SPECC1: variants seen among roughly 807,000 people sequenced by gnomAD.
SPECC1 encodes the protein sperm antigen with calponin homology and coiled-coil domains 1, also known as cytospin-B.
In SPECC1, 62 loss-of-function variants were observed where a neutral mutation model predicts 104.1. The ratio of observed to expected loss-of-function variants is 0.60; its 90% confidence interval spans 0.49 to 0.74. The LOEUF (loss-of-function observed/expected upper bound fraction) is 0.74. Ranked by LOEUF, SPECC1 falls within the 30% of genes least tolerant of loss-of-function variation. The pLI is 0.00. For synonymous variants in SPECC1, 513 were observed against 501.6 expected (o/e 1.02, Z -0.30); for missense variants, 1,306 against 1,310.5 (o/e 1.00, Z 0.05).
intron 3 of SPECC1, among the ~76,000 whole-genome samples, chr17:20,190,895 G>A (rs1204681307): frequency 6.6e-6 from 1 of 151,826 alleles, no homozygotes; most frequent in African/African-American, 2.4e-5. Context: ...CCAACCCCTG[G>A]CAACCATTGA....
At chr17:20,113,075 A>G in intron 3 of SPECC1, 1 of 718,000 alleles carries the variant, frequency 1.4e-6, no homozygotes, top group Non-Finnish European at 2.5e-6. Flanking sequence ...GTTGTCTAGA[A>G]GAAATAACAC....
rs942599559 is a variant in SPECC1, at chr17:20,208,309, G to A, written c.1863+2397G>A. ...TCTTGTATATCTATCAAGACCCTAG[G>A]TTTGTGATTTTGTGCTGTCTTATGT... On this transcript the variant is annotated intron_variant, in intron 4 of 14. Coordinates refer to ENST00000395527, the MANE Select transcript of SPECC1 (RefSeq NM_001243439.2). Among the ~76,000 whole-genome samples, 13 of 152,290 alleles carry A rather than the reference G, an allele frequency of 8.5e-5. No homozygotes were observed. The East Asian group carries it at 2.5e-3, about 29-fold the overall frequency.
intron 7 of SPECC1, chr17:20,238,740 T>C (rs1423080907): frequency 9.6e-7 from 1 of 1,042,830 alleles, no homozygotes; most frequent in Non-Finnish European, 1.2e-6. Flanking sequence ...TTGCTGGATG[T>C]TTTCAAGTAT....
rs202011399 is a variant in SPECC1 at position 20,182,107 on chromosome 17, TTC to T, written c.284-22224_284-22223del. ...TCAGACAAACCTCAATTTTTTCTTT[TTC>T]TTTCTTTTTCTTTTTTTTTTGGAGA... On this transcript the variant is annotated intron_variant, in intron 3 of 14. Coordinates refer to ENST00000395527, the MANE Select transcript of SPECC1 (RefSeq NM_001243439.2). Among the ~76,000 whole-genome samples the T allele has an allele frequency of 1.9e-3, 142 of 73,816 alleles. No homozygotes were observed. In the East Asian group the frequency reaches 0.11, roughly 58 times the overall value. The allele number at this position is 73,816 out of a possible 152,430, so 48.4% of individuals were successfully genotyped here.
chr17:20,058,835 C>CTTTTT (rs58811372), intron 1 of SPECC1, among the ~76,000 whole-genome samples: 7 of 103,570 alleles, frequency 6.8e-5, no homozygotes, highest in Non-Finnish European at 7.8e-5. Context: ...CACTTTATTT[C>CTTTTT]TTTTTTTTTT....
intron 11 of SPECC1, among the ~76,000 whole-genome samples, chr17:20,257,995 T>G (rs2039895037): frequency 6.6e-6 from 1 of 152,224 alleles, no homozygotes; most frequent in African/African-American, 2.4e-5. Flanking sequence ...GAGCCGGGAC[T>G]CTGCTGTACA....
intron 3 of SPECC1, among the ~76,000 whole-genome samples, chr17:20,116,206 G>A (rs1264626483): frequency 6.6e-6 from 1 of 152,056 alleles, no homozygotes; most frequent in African/African-American, 2.4e-5. Context: ...TCCTGCCTCA[G>A]CCTCCCGAGT....
At chr17:20,052,131 T>G (rs2045797021) in intron 1 of SPECC1, among the ~76,000 whole-genome samples, 1 of 152,194 alleles carries the variant, frequency 6.6e-6, no homozygotes, top group Non-Finnish European at 1.5e-5. Context: ...TCATTAAAAG[T>G]TTTTAAGAAG....
intron 5 of SPECC1, among the ~76,000 whole-genome samples, chr17:20,230,416 C>T (rs893461453): frequency 5.3e-5 from 8 of 152,176 alleles, no homozygotes; most frequent in African/African-American, 1.9e-4. Flanking sequence ...CCAGGCTGTT[C>T]TCAGGATACA....
chr17:20,306,179 G>C lies in SPECC1; in HGVS notation c.3117+97G>C. On this transcript the variant is annotated intron_variant, in intron 14 of 14. Transcript: ENST00000395527. Reference sequence around the variant, plus strand: ...AGTTTCTCGTAGAACATTGACATCTGTTTGCCGAAAGTCTGTTGCTCTCAA... The same window carrying C: ...AGTTTCTCGTAGAACATTGACATCTCTTTGCCGAAAGTCTGTTGCTCTCAA... The C allele has an allele frequency of 2.5e-6, 3 of 1,197,786 alleles. No homozygotes were observed. The South Asian group carries it at 4.0e-5, about 16-fold the overall frequency. The allele number at this position is 1,197,786 out of a possible 1,614,324, so 74.2% of individuals were successfully genotyped here. A position where few individuals can be genotyped will look rare whatever the true frequency, so the allele number is the denominator to read the frequency against.
intron 3 of SPECC1, among the ~76,000 whole-genome samples, chr17:20,172,395 A>T (rs972222711): frequency 3.9e-5 from 6 of 152,232 alleles, no homozygotes; most frequent in Non-Finnish European, 5.9e-5. Flanking sequence ...AATTTGGAAG[A>T]TAAAATATAC....
At chr17:20,184,696 T>A in intron 3 of SPECC1, among the ~76,000 whole-genome samples, 1 of 152,210 alleles carries the variant, frequency 6.6e-6, no homozygotes, top group East Asian at 1.9e-4. Context: ...AAGTATTTGG[T>A]ACCGTAGAAG....
At chr17:20,168,723 A>G (rs567437990) in intron 3 of SPECC1, among the ~76,000 whole-genome samples, 30 of 152,246 alleles carry the variant, frequency 2.0e-4, no homozygotes, top group Non-Finnish European at 3.8e-4. Context: ...GCAATTTAGT[A>G]AGGTAACCAG....
intron 3 of SPECC1, among the ~76,000 whole-genome samples, chr17:20,178,122 G>A (rs541841681): frequency 6.6e-5 from 10 of 152,184 alleles, no homozygotes; most frequent in Middle Eastern, 3.4e-3. Context: ...TCAGGCTCAA[G>A]CAATCCTCCC....
intron 4 of SPECC1, among the ~76,000 whole-genome samples, chr17:20,223,178 C>T (rs1036287338): frequency 6.6e-6 from 1 of 151,816 alleles, no homozygotes; most frequent in Non-Finnish European, 1.5e-5. Context: ...ACTAGATTTG[C>T]GCTTTTTTTA....
rs2034513359 is a variant in SPECC1, at chr17:20,176,938, C to CA, written c.284-27394dup. Among the ~76,000 whole-genome samples, 4 of 152,268 alleles carry CA rather than the reference C, an allele frequency of 2.6e-5. No homozygotes were observed. The South Asian group carries it at 8.3e-4, about 32-fold the overall frequency. On this transcript the variant is annotated intron_variant, in intron 3 of 14. Transcript: ENST00000395527. The stretch of plus-strand genomic sequence containing the variant: ...TGGGGGATTGTTATTCAGTGTGCTG[C>CA]AGGAAGGTAGATGTGTAAACCTTTT...
chr17:20,083,905 G>A (rs2047076358), intron 1 of SPECC1, among the ~76,000 whole-genome samples: 1 of 152,182 alleles, frequency 6.6e-6, no homozygotes, highest in East Asian at 1.9e-4. Context: ...GTTTTGTTTT[G>A]TTTTTAAATT....
At chr17:20,029,399 T>A (rs555047820) in intron 1 of SPECC1, among the ~76,000 whole-genome samples, 38 of 152,350 alleles carry the variant, frequency 2.5e-4, no homozygotes, top group African/African-American at 9.1e-4. Context: ...TTATCAGTTA[T>A]CATAGTGTCT....
intron 7 of SPECC1, chr17:20,239,340 T>G: frequency 1.0e-6 from 1 of 974,390 alleles, no homozygotes; most frequent in Non-Finnish European, 1.2e-6. Flanking sequence ...GAAATCAGTG[T>G]TAACAGTGTG....
Sources: allele counts gnomAD v4.1 joint callset (sites outside exome capture counted in the v4.1 genomes callset), GRCh38; gene constraint gnomAD v4.1.1; transcripts MANE v1.5; gene names NCBI Gene and HGNC (gene_info 2026-07-23, HGNC 2026-07-21).